DMGDH: variants seen among roughly 807,000 people sequenced by gnomAD.
DMGDH encodes dimethylglycine dehydrogenase, also known as dimethylglycine dehydrogenase, mitochondrial.
Under a neutral mutation model 95.2 loss-of-function variants are expected in DMGDH, and 76 were observed. The observed-to-expected ratio is 0.80, with a 90% CI of 0.66 to 0.97. DMGDH has a LOEUF of 0.97. DMGDH is among the 50% of genes least tolerant of loss of function. The pLI is 0.00. For missense variants in DMGDH, 987 were observed against 1,055.0 expected, an observed-to-expected ratio of 0.94 and a Z score of 0.89; for synonymous variants, 345 against 377.6, an observed-to-expected ratio of 0.91 and a Z score of 1.00.
intron 15 of DMGDH, among the ~76,000 whole-genome samples, chr5:79,003,627 C>G (rs1485058619): frequency 6.6e-6 from 1 of 152,158 alleles, no homozygotes; most frequent in African/African-American, 2.4e-5. Context: ...CCACCTGATA[C>G]TCAGATGCAC....
intron 14 of DMGDH, chr5:79,021,558 T>C (rs1256563031): frequency 2.3e-6 from 3 of 1,291,532 alleles, no homozygotes; most frequent in African/African-American, 3.0e-5. Context: ...AGTACTCCAT[T>C]GTTCTTTTCC....
intron 1 of DMGDH, among the ~76,000 whole-genome samples, chr5:79,066,652 CATG>C (rs1408415668): frequency 6.6e-6 from 1 of 152,096 alleles, no homozygotes; most frequent in Admixed American, 6.6e-5. Flanking sequence ...GGTGTTTCCT[CATG>C]ATGAGACTTA....
At chr5:79,002,897 T>C (rs1561205098) in intron 15 of DMGDH, among the ~76,000 whole-genome samples, 1 of 152,198 alleles carries the variant, frequency 6.6e-6, no homozygotes, top group Non-Finnish European at 1.5e-5. Context: ...ATCTAAGAGA[T>C]AGAATCCTAT....
At chr5:79,031,892 A>G (rs1432187616) in intron 9 of DMGDH, among the ~76,000 whole-genome samples, 2 of 152,228 alleles carry the variant, frequency 1.3e-5, no homozygotes, top group Non-Finnish European at 2.9e-5. Flanking sequence ...TGGCCACCAA[A>G]TAATCTAGAT....
At chr5:79,006,845 A>ACCCCCCC (rs3214906) in intron 14 of DMGDH, among the ~76,000 whole-genome samples, 12 of 95,310 alleles carry the variant, frequency 1.3e-4, no homozygotes, top group Admixed American at 2.4e-4. Context: ...CTCACCTGAG[A>ACCCCCCC]CCCCCCCAGT....
chr5:79,028,475 C>A lies in DMGDH; in HGVS notation c.1990G>T (p.Val664Phe). 6.2e-7 allele frequency: 1 copy of A among 1,614,010 alleles called. No individual in the cohort carries two copies. Among genetic ancestry groups the A allele is most frequent in the Non-Finnish European group, 8.5e-7 (1 of 1,179,984 alleles). The change falls in exon 12 of 16, where the codon GTT becomes TTT. Residue 664 changes from valine to phenylalanine, a missense_variant. Val to Phe is a conservative substitution (Grantham distance 50). Transcript: ENST00000255189. ...FKFLQTKSLK[V>F]SNIPVTAIRI... ...ATAGCAGTGACAGGAATGTTGGAAA[C>A]CTTTAAGGACTTGGTTTGAAGAAAC... is the stretch of plus-strand genomic sequence containing the variant.
intron 7 of DMGDH, among the ~76,000 whole-genome samples, chr5:79,038,060 AT>A (rs1324408296): frequency 2.0e-5 from 3 of 152,230 alleles, no homozygotes; most frequent in African/African-American, 7.2e-5. Flanking sequence ...CTTTGCATAA[AT>A]TGACAAACTA....
At chr5:79,020,394 T>A (rs995248526) in intron 14 of DMGDH, among the ~76,000 whole-genome samples, 3 of 152,220 alleles carry the variant, frequency 2.0e-5, no homozygotes, top group Non-Finnish European at 4.4e-5. Flanking sequence ...GAGAATTGGA[T>A]GCTTTGACCA....
intron 7 of DMGDH, among the ~76,000 whole-genome samples, chr5:79,033,694 A>G (rs1754257866): frequency 6.6e-6 from 1 of 152,230 alleles, no homozygotes; most frequent in South Asian, 2.1e-4. Context: ...CTGTAATCCC[A>G]GCACTTTGGA....
chr5:79,050,263 AAAAAAAAAAAATATAT>A (rs1333663512), intron 5 of DMGDH, among the ~76,000 whole-genome samples: 4,634 of 70,468 alleles, frequency 0.066, 87 homozygotes, highest in Middle Eastern at 0.087. Context: ...AAAAAAAAAA[AAAAAAAAAAAATATAT>A]ATATATATAT....
At chr5:79,025,516 T>C (rs937087057) in intron 13 of DMGDH, among the ~76,000 whole-genome samples, 1 of 152,210 alleles carries the variant, frequency 6.6e-6, no homozygotes, top group African/African-American at 2.4e-5. Flanking sequence ...CACTTTATTA[T>C]GTGCTTGGCA....
At chr5:79,046,385 GT>G (rs1288926494) in intron 5 of DMGDH, among the ~76,000 whole-genome samples, 2 of 143,524 alleles carry the variant, frequency 1.4e-5, no homozygotes, top group Admixed American at 1.3e-4. Context: ...TGCTTGGCCT[GT>G]TTTGTTTTGT....
At chr5:79,028,291 C>T in intron 12 of DMGDH, 142 bp downstream of exon 12, 1 of 716,756 alleles carries the variant, frequency 1.4e-6, no homozygotes, top group Admixed American at 2.7e-5. Context: ...TCCAAAGTCG[C>T]ATGGACAAAA....
chr5:79,020,929 G>A (rs2112611614), intron 14 of DMGDH: 1 of 985,398 alleles, frequency 1.0e-6, no homozygotes, highest in Non-Finnish European at 1.2e-6. Context: ...TTCCAGGAAT[G>A]CCTATGACTC....
chr5:79,008,292 C>T (rs372709308), intron 14 of DMGDH, among the ~76,000 whole-genome samples: 17 of 152,088 alleles, frequency 1.1e-4, no homozygotes, highest in Admixed American at 9.2e-4. Flanking sequence ...TTTTGAAAGA[C>T]GAGTAGGTTT....
intron 7 of DMGDH, among the ~76,000 whole-genome samples, chr5:79,037,461 A>C (rs1199163857): frequency 6.6e-6 from 1 of 152,146 alleles, no homozygotes; most frequent in Non-Finnish European, 1.5e-5. Context: ...TACATAAGAA[A>C]TATCTTAGAA....
chr5:79,049,146 C>T (rs745618758), intron 5 of DMGDH, among the ~76,000 whole-genome samples: 3 of 152,170 alleles, frequency 2.0e-5, no homozygotes, highest in Non-Finnish European at 4.4e-5. Flanking sequence ...CCCCATCACC[C>T]CACAAGATTT....
intron 14 of DMGDH, among the ~76,000 whole-genome samples, chr5:79,015,833 GC>G (rs1171816305): frequency 6.6e-6 from 1 of 152,090 alleles, no homozygotes; most frequent in African/African-American, 2.4e-5. Flanking sequence ...CGAAAGGCTG[GC>G]ATAATGTTAG....
At chr5:79,035,013 C>T (rs888179123) in intron 7 of DMGDH, among the ~76,000 whole-genome samples, 5 of 140,738 alleles carry the variant, frequency 3.6e-5, no homozygotes, top group African/African-American at 5.3e-5. Context: ...GCCGAGATCG[C>T]GCCACTGCAC....
Sources: gnomAD v4.1 joint callset for allele counts (sites outside exome capture counted in the v4.1 genomes callset) on GRCh38, gnomAD v4.1.1 for gene constraint, MANE v1.5 for transcripts, NCBI Gene and HGNC (gene_info 2026-07-23, HGNC 2026-07-21) for gene names.